The following PDCD6IP variants were observed in gnomAD, a reference collection of about 807,000 sequenced individuals.
PDCD6IP encodes the protein programmed cell death 6-interacting protein.
PDCD6IP carries 43 observed loss-of-function variants against 103.7 expected under a neutral mutation model. That is an observed-to-expected ratio of 0.41 (90% CI 0.32 to 0.53). The LOEUF is 0.53. Ranked by LOEUF, PDCD6IP falls within the 20% of genes least tolerant of loss-of-function variation. The pLI is 0.16. For missense variants in PDCD6IP, 871 were observed against 1,036.7 expected (o/e 0.84, Z 2.20); for synonymous variants, 354 against 378.7 (o/e 0.93, Z 0.76).
chr3:33,812,189 C>T, intron 2 of PDCD6IP, 63 bp downstream of exon 2: 6 of 1,548,428 alleles, frequency 3.9e-6, no homozygotes, highest in Non-Finnish European at 5.2e-6. Flanking sequence ...CTGCCAATAT[C>T]TTCACTGTCT....
intron 3 of PDCD6IP, among the ~76,000 whole-genome samples, chr3:33,818,097 GTTTTT>G (rs756780125): frequency 2.9e-5 from 2 of 68,084 alleles, no homozygotes; most frequent in East Asian, 1.0e-3. Context: ...TTTCATTCTT[GTTTTT>G]TTTTTTTTTT....
Position 33,866,403 on chromosome 3 carries a change from T to C in PDCD6IP, c.2485T>C (p.Tyr829His). The change falls in exon 18 of 18, where the codon TAT (tyrosine) becomes CAT (histidine). Residue 829 changes from tyrosine (Y) to histidine (H), a missense_variant. Physicochemically the swap from Tyr to His is moderately conservative, Grantham distance 83. This residue lies in a region of PDCD6IP where 202 missense variants were observed against 205.2 expected (regional missense o/e 0.98). Coordinates refer to ENST00000307296, the MANE Select transcript of PDCD6IP (RefSeq NM_013374.6). The stretch of plus-strand genomic sequence containing the variant: ...CTATAATCCTTATGCGTATGGCCAG[T>C]ATAATATGCCATATCCACCAGTGTA... ...MGYNPYAYGQYNMPYPPVYHQ... is the reference protein window; with the variant it reads ...MGYNPYAYGQHNMPYPPVYHQ... 1 of 1,610,852 alleles carries C rather than the reference T, an allele frequency of 6.2e-7. No individual in the cohort carries two copies. Among genetic ancestry groups the C allele is most frequent in the Non-Finnish European group, 8.5e-7 (1 of 1,178,654 alleles).
intron 14 of PDCD6IP, 40 bp downstream of exon 14, chr3:33,854,053 C>T: frequency 6.6e-7 from 1 of 1,521,612 alleles, no homozygotes. Flanking sequence ...CTAGCAAGTA[C>T]AGATGTGAAC....
intron 1 of PDCD6IP, among the ~76,000 whole-genome samples, chr3:33,804,510 T>G (rs1030015515): frequency 3.9e-5 from 6 of 152,258 alleles, no homozygotes; most frequent in Non-Finnish European, 8.8e-5. Context: ...TCAAGGAATA[T>G]CTGTAATTGG....
At chr3:33,816,181 G>A (rs1281184785) in intron 3 of PDCD6IP, among the ~76,000 whole-genome samples, 1 of 152,128 alleles carries the variant, frequency 6.6e-6, no homozygotes, top group East Asian at 1.9e-4. Context: ...AGAAAGTTTT[G>A]GAGTAGGGCA....
chr3:33,849,905 T>G (rs1251984287), intron 12 of PDCD6IP, among the ~76,000 whole-genome samples: 1 of 152,180 alleles, frequency 6.6e-6, no homozygotes, highest in Admixed American at 6.5e-5. Flanking sequence ...AGTTCGTTCA[T>G]AAATTCGTTG....
intron 12 of PDCD6IP, among the ~76,000 whole-genome samples, chr3:33,847,831 C>T (rs977435005): frequency 6.6e-6 from 1 of 152,108 alleles, no homozygotes; most frequent in African/African-American, 2.4e-5. Context: ...GCCTGAAGTC[C>T]AGTCTATGGT....
In PDCD6IP at chr3:33,865,300, G is replaced by C; in HGVS notation, c.2302G>C (p.Ala768Pro). The change falls in exon 17 of 18, where the codon GCT becomes CCT. Residue 768 changes from alanine (A) to proline (P), a missense_variant. Ala to Pro is a conservative substitution (Grantham distance 27, BLOSUM62 -1). Transcript: ENST00000307296. ...ACCACCTGTGCTTCCAGCAAATCGA[G>C]CTCCTTCTGCTACTGCTCCATCTCC... ...PPPPVLPANR[A>P]PSATAPSPVG... 1 of 1,591,600 alleles carries C rather than the reference G, an allele frequency of 6.3e-7. No homozygotes were observed. Among genetic ancestry groups the C allele is most frequent in the East Asian group, 2.4e-5 (1 of 42,232 alleles).
At chr3:33,821,007 ATTTTTAT>A (rs1188592405) in intron 3 of PDCD6IP, among the ~76,000 whole-genome samples, 1 of 151,794 alleles carries the variant, frequency 6.6e-6, no homozygotes, top group Admixed American at 6.6e-5. Context: ...ACTTTTTCTA[ATTTTTAT>A]TTTTTATTTT....
At chr3:33,851,188 A>G (rs543808480) in intron 12 of PDCD6IP, among the ~76,000 whole-genome samples, 11 of 152,200 alleles carry the variant, frequency 7.2e-5, no homozygotes, top group Admixed American at 2.0e-4. Flanking sequence ...TGCTGCTGGT[A>G]GTGAGAAAGA....
chr3:33,812,182 C>G (rs1696734342), intron 2 of PDCD6IP, 56 bp downstream of exon 2: 4 of 1,557,166 alleles, frequency 2.6e-6, no homozygotes, highest in Middle Eastern at 1.7e-4. Flanking sequence ...TTTCCTTCTG[C>G]CAATATCTTC....
chr3:33,815,825 G>A (rs143677924), intron 3 of PDCD6IP, among the ~76,000 whole-genome samples: 1 of 152,240 alleles, frequency 6.6e-6, no homozygotes, highest in African/African-American at 2.4e-5. Flanking sequence ...TTGAAATAAA[G>A]GATTTAAAGC....
At chr3:33,844,445 A>G (rs540176399) in intron 11 of PDCD6IP, among the ~76,000 whole-genome samples, 5 of 152,222 alleles carry the variant, frequency 3.3e-5, no homozygotes, top group African/African-American at 7.2e-5. Flanking sequence ...TGATCCTCCA[A>G]CTTTCATTTT....
intron 3 of PDCD6IP, among the ~76,000 whole-genome samples, chr3:33,818,732 T>A (rs1559777510): frequency 6.6e-6 from 1 of 152,016 alleles, no homozygotes; most frequent in South Asian, 2.1e-4. Flanking sequence ...TTGGCCAGAA[T>A]GGTCTTGTTC....
intron 1 of PDCD6IP, among the ~76,000 whole-genome samples, chr3:33,807,401 T>A (rs1696621997): frequency 6.6e-6 from 1 of 152,272 alleles, no homozygotes; most frequent in Admixed American, 6.5e-5. Context: ...CTAGCTCCTG[T>A]CACCCTGGCC....
chr3:33,820,636 C>T (rs1021683412), intron 3 of PDCD6IP, among the ~76,000 whole-genome samples: 1 of 152,184 alleles, frequency 6.6e-6, no homozygotes, highest in African/African-American at 2.4e-5. Context: ...CTAGGTAACT[C>T]ATATAAGTGG....
At chr3:33,828,658 T>A (rs964793450) in intron 6 of PDCD6IP, 195 bp from the exon 7 acceptor site, 2 of 410,252 alleles carry the variant, frequency 4.9e-6, no homozygotes, top group African/African-American at 2.1e-5. Flanking sequence ...AGAAAAAAAA[T>A]TTAATTCATA....
intron 7 of PDCD6IP, among the ~76,000 whole-genome samples, chr3:33,834,268 C>CA (rs1280975646): frequency 2.0e-5 from 3 of 152,208 alleles, no homozygotes; most frequent in African/African-American, 7.2e-5. Context: ...AAGGTTTTCT[C>CA]ATCCTGTTTT....
intron 4 of PDCD6IP, among the ~76,000 whole-genome samples, chr3:33,822,903 C>T (rs1334360147): frequency 6.6e-6 from 1 of 152,076 alleles, no homozygotes; most frequent in Non-Finnish European, 1.5e-5. Context: ...ATGATCCACC[C>T]ACCTCGGCCT....
Sources: gnomAD v4.1 joint callset for allele counts (sites outside exome capture counted in the v4.1 genomes callset) on GRCh38, gnomAD v4.1.1 for gene constraint, gnomAD v4.1.1 regional missense constraint, MANE v1.5 for transcripts, NCBI Gene and HGNC (gene_info 2026-07-23, HGNC 2026-07-21) for gene names.